NKAP: variants seen among roughly 807,000 people sequenced by gnomAD.
The protein encoded by NKAP is NF-kappa-B-activating protein.
NKAP carries 4 observed loss-of-function variants against 35.6 expected under a neutral mutation model. That is an observed-to-expected ratio of 0.11 (90% CI 0.06 to 0.26). The LOEUF (loss-of-function observed/expected upper bound fraction) is 0.26. NKAP is among the 10% of genes least tolerant of loss of function. The pLI is 1.00. For synonymous variants in NKAP, 106 were observed against 119.2 expected (o/e 0.89, Z 0.72); for missense variants, 238 against 321.9 (o/e 0.74, Z 1.99).
chrX:119,943,717 G>C lies in NKAP; in HGVS notation c.-112C>G. On this transcript the variant is annotated 5_prime_UTR_variant, in exon 1 of 9. Coordinates refer to ENST00000371410, the MANE Select transcript of NKAP (RefSeq NM_024528.4). The stretch of plus-strand genomic sequence containing the variant: ...TGCCGCTGCGGAACAGCCCAAATCT[G>C]AGGAAACCTTGGACACAGTTCTGGG... 1.1e-6 allele frequency: 1 copy of C among 909,129 alleles called. No individual in the cohort carries two copies. The highest frequency in any genetic ancestry group is 2.6e-5 in the South Asian group (1 of 38,546). The allele number at this position is 909,129 out of a possible 1,213,427, so 74.9% of individuals were successfully genotyped here.
chrX:119,934,445 A>AAAAAAAAAAAAAAAAAG, intron 5 of NKAP, 49 bp downstream of exon 5: 1 of 730,368 alleles, frequency 1.4e-6, no homozygotes, highest in Non-Finnish European at 1.9e-6. Context: ...AAAAAAAAAA[A>AAAAAAAAAAAAAAAAAG]AAAAAAAAAA....
At position 119,922,257 on chromosome X, in the gene NKAP, GATTT is replaced by G. The variant is rs2056691315; in HGVS notation, c.*2959_*2962del. On this transcript the variant is annotated 3_prime_UTR_variant, in exon 9 of 9. Transcript: ENST00000371410. ...TTTCTTTTAACTTTTGAAAACTACA[GATTT>G]ATTAGGCTAGGCAGCAACTACAATT... 1 of 112,044 alleles carries G rather than the reference GATTT, an allele frequency of 8.9e-6. No homozygotes were observed. Among genetic ancestry groups the G allele is most frequent in the Non-Finnish European group, 1.9e-5 (1 of 53,264 alleles). 9.2% of individuals were successfully genotyped at this position (112,044 alleles called of 1,213,427 possible). A position where few individuals can be genotyped will look rare whatever the true frequency, so the allele number is the denominator to read the frequency against.
At chrX:119,925,945 T>G (rs1412478948) in intron 8 of NKAP, among the ~76,000 whole-genome samples, 7 of 75,294 alleles carry the variant, frequency 9.3e-5, no homozygotes, top group Admixed American at 1.7e-4. Context: ...TTTTTTTTTT[T>G]AATTTTTTTT....
rs1465386857 is a variant in NKAP at position 119,934,577 on chromosome X, A to G, written c.674-20T>C. ...CTTCATCTGCAAATTAAAGCACATT[A>G]CAATTAAGAAAAAAATTTTTTAACT... On this transcript the variant is annotated intron_variant, in intron 4 of 8. Coordinates refer to ENST00000371410, the MANE Select transcript of NKAP (RefSeq NM_024528.4). The G allele has an allele frequency of 4.5e-6, 5 of 1,111,008 alleles. No individual in the cohort carries two copies. The highest frequency in any genetic ancestry group is 6.0e-6 in the Non-Finnish European group (5 of 839,406). 91.6% of individuals were successfully genotyped at this position (1,111,008 alleles called of 1,213,427 possible). A position where few individuals can be genotyped will look rare whatever the true frequency, so the allele number is the denominator to read the frequency against.
chrX:119,932,142 T>A lies in NKAP; in HGVS notation c.812A>T (p.Glu271Val), dbSNP rs375353477. The A allele has an allele frequency of 8.3e-5, 100 of 1,207,941 alleles. No individual in the cohort carries two copies. The highest frequency in any genetic ancestry group is 1.1e-4 in the Non-Finnish European group (97 of 894,015). ...SSDSSSKESQ[E>V]EFLENPWKDR... ...CTTCCAGGGATTTTCCAGAAACTCT[T>A]CTTGGGATTCTTTAGAGCTTGAATC... The change falls in exon 6 of 9, where the codon GAA becomes GTA. Residue 271 changes from glutamate (E) to valine (V), a missense_variant. Transcript: ENST00000371410.
rs375457528 is a variant in NKAP at position 119,925,172 on chromosome X, A to G, written c.*48T>C. 8.6e-7 allele frequency: 1 copy of G among 1,166,971 alleles called. No individual in the cohort carries two copies. Among genetic ancestry groups the G allele is most frequent in the Non-Finnish European group, 1.2e-6 (1 of 864,640 alleles). ...TTTTCTATGTATGTGTGGAACCCAG[A>G]CTTTCTTTTTTGTTGTTAAAAATGT... On this transcript the variant is annotated 3_prime_UTR_variant, in exon 9 of 9. Coordinates refer to ENST00000371410, the MANE Select transcript of NKAP (RefSeq NM_024528.4).
Position 119,925,074 on chromosome X carries a change from T to C in NKAP, c.*146A>G, listed in dbSNP as rs781434983. 1 of 567,611 alleles carries C rather than the reference T, an allele frequency of 1.8e-6. No homozygotes were observed. Among genetic ancestry groups the C allele is most frequent in the Admixed American group, 3.9e-5 (1 of 25,970 alleles). 46.8% of individuals were successfully genotyped at this position (567,611 alleles called of 1,213,427 possible). On this transcript the variant is annotated 3_prime_UTR_variant, in exon 9 of 9. Coordinates refer to ENST00000371410, the MANE Select transcript of NKAP (RefSeq NM_024528.4). Reference sequence around the variant, plus strand: ...CTAAAGTTATATCAATAAGCAGCTTTTTATTGAAGGACTGAAAGAATTAAA... The same window carrying C: ...CTAAAGTTATATCAATAAGCAGCTTCTTATTGAAGGACTGAAAGAATTAAA...
chrX:119,939,767 C>T (rs1449936529), intron 1 of NKAP, among the ~76,000 whole-genome samples: 1 of 107,734 alleles, frequency 9.3e-6, no homozygotes, highest in East Asian at 3.1e-4. Flanking sequence ...GGCGTGGTGG[C>T]GCATGCCTGT....
In NKAP at chrX:119,922,061, C is replaced by T. The variant is rs2056690359; in HGVS notation, c.*3159G>A. The T allele has an allele frequency of 9.0e-6, 1 of 111,148 alleles. No individual in the cohort carries two copies. The highest frequency in any genetic ancestry group is 9.7e-5 in the Admixed American group (1 of 10,328). 9.2% of individuals were successfully genotyped at this position (111,148 alleles called of 1,213,427 possible). A position where few individuals can be genotyped will look rare whatever the true frequency, so the allele number is the denominator to read the frequency against. ...GTTTCACCATGTTAGCCAGGATGGT[C>T]TTGATCTCCTGACCTCATGGTCCGC... On this transcript the variant is annotated 3_prime_UTR_variant, in exon 9 of 9. Coordinates refer to ENST00000371410, the MANE Select transcript of NKAP (RefSeq NM_024528.4).
At chrX:119,933,343 C>T (rs186183513) in intron 5 of NKAP, among the ~76,000 whole-genome samples, 1 of 111,668 alleles carries the variant, frequency 9.0e-6, no homozygotes, top group African/African-American at 3.3e-5. Flanking sequence ...CATTTTACAA[C>T]CCCTAATGAA....
At chrX:119,933,821 TTTTTG>T (rs1191198306) in intron 5 of NKAP, among the ~76,000 whole-genome samples, 1 of 111,194 alleles carries the variant, frequency 9.0e-6, no homozygotes, top group East Asian at 2.8e-4. Flanking sequence ...CCTGGCCAGT[TTTTTG>T]TTTTGTTTTG....
intron 1 of NKAP, among the ~76,000 whole-genome samples, chrX:119,941,881 G>A (rs1569472657): frequency 9.0e-6 from 1 of 111,697 alleles, no homozygotes; most frequent in African/African-American, 3.3e-5. Flanking sequence ...CTCCTGCCTT[G>A]GCCTCCTAAA....
intron 8 of NKAP, among the ~76,000 whole-genome samples, chrX:119,927,925 C>T (rs938231696): frequency 9.0e-6 from 1 of 111,678 alleles, no homozygotes; most frequent in African/African-American, 3.3e-5. Flanking sequence ...CCTTCCTATC[C>T]GTGAACCTGG....
chrX:119,936,386 T>C lies in NKAP; in HGVS notation c.584A>G (p.Lys195Arg), dbSNP rs1013928600. Residue 195 changes from lysine (K) to arginine (R), a missense_variant, in exon 4 of 9, where the codon AAA becomes AGA. Transcript: ENST00000371410. ...KSSRSKERSK[K>R]RRKKKSSKRK... ...TTTCGATGATTTTTTCTTTCTCCTT[T>C]TCTTGGACCTTTCTTTTGAACGGCT... is the stretch of plus-strand genomic sequence containing the variant. 1 of 1,185,810 alleles carries C rather than the reference T, an allele frequency of 8.4e-7. No homozygotes were observed. Among genetic ancestry groups the C allele is most frequent in the Admixed American group, 2.4e-5 (1 of 41,965 alleles).
In NKAP at chrX:119,922,800, A is replaced by C. The variant is rs947766911; in HGVS notation, c.*2420T>G. 3.6e-5 allele frequency: 4 copies of C among 112,188 alleles called. No individual in the cohort carries two copies. The highest frequency in any genetic ancestry group is 1.9e-4 in the Admixed American group (2 of 10,442). 9.2% of individuals were successfully genotyped at this position (112,188 alleles called of 1,213,427 possible). A position where few individuals can be genotyped will look rare whatever the true frequency, so the allele number is the denominator to read the frequency against. On this transcript the variant is annotated 3_prime_UTR_variant, in exon 9 of 9. Transcript: ENST00000371410. ...CCTTATTTAAACACTTTTGAAAAAC[A>C]ACCACTTAAAAATATAAGGCAAGCG...
chrX:119,926,623 A>G (rs1049121213), intron 8 of NKAP, among the ~76,000 whole-genome samples: 1 of 111,580 alleles, frequency 9.0e-6, no homozygotes, highest in Non-Finnish European at 1.9e-5. Flanking sequence ...CAGTAAAACA[A>G]TCAGAAATGG....
chrX:119,932,153 T>A lies in NKAP; in HGVS notation c.801A>T (p.Lys267Asn), dbSNP rs1340290331. The part of the protein sequence containing the change: ...SRKESSDSSS[K>N]ESQEEFLENP... ...TTTCCAGAAACTCTTCTTGGGATTC[T>A]TTAGAGCTTGAATCACTGGACTCTT... Residue 267 changes from lysine (K) to asparagine (N), a missense_variant, in exon 6 of 9, where the codon AAA (lysine) becomes AAT (asparagine). Transcript: ENST00000371410. 8.3e-7 allele frequency: 1 copy of A among 1,210,555 alleles called. No homozygotes were observed. The highest frequency in any genetic ancestry group is 1.1e-6 in the Non-Finnish European group (1 of 894,659).
Position 119,936,695 on chromosome X carries a change from A to G in NKAP, c.468-13T>C. ...ATGTTCATCAGAACTGAATTTAAAT[A>G]AAATGGTTATAAGAATTAGGAAAGT... On this transcript the variant is annotated splice_polypyrimidine_tract_variant and intron_variant, in intron 2 of 8. Transcript: ENST00000371410. 1 of 1,156,863 alleles carries G rather than the reference A, an allele frequency of 8.6e-7. No homozygotes were observed.
chrX:119,923,723 G>C lies in NKAP; in HGVS notation c.*1497C>G, dbSNP rs989338351. Reference sequence around the variant, plus strand: ...TAATCCCAGCACTTTGGGAGGCCAAGGCGGGCGGATCACCTGGGGTTGGGA... The same window carrying C: ...TAATCCCAGCACTTTGGGAGGCCAACGCGGGCGGATCACCTGGGGTTGGGA... On this transcript the variant is annotated 3_prime_UTR_variant, in exon 9 of 9. Coordinates refer to ENST00000371410, the MANE Select transcript of NKAP (RefSeq NM_024528.4). The C allele has an allele frequency of 8.0e-5, 9 of 112,490 alleles. No individual in the cohort carries two copies. 9.3% of individuals were successfully genotyped at this position (112,490 alleles called of 1,213,427 possible). A position where few individuals can be genotyped will look rare whatever the true frequency, so the allele number is the denominator to read the frequency against.
Sources: allele counts gnomAD v4.1 joint callset (sites outside exome capture counted in the v4.1 genomes callset), GRCh38; gene constraint gnomAD v4.1.1; transcripts MANE v1.5; gene names NCBI Gene and HGNC (gene_info 2026-07-23, HGNC 2026-07-21).